Variants in RFTN1 observed in about 807,000 individuals in gnomAD.
RFTN1 encodes raftlin.
RFTN1 carries 26 observed loss-of-function variants against 46.5 expected under a neutral mutation model. That is an observed-to-expected ratio of 0.56 (90% CI 0.41 to 0.78). The LOEUF is 0.78. Ranked by LOEUF, RFTN1 falls within the 30% of genes least tolerant of loss-of-function variation. The pLI, the probability that RFTN1 is intolerant of heterozygous loss-of-function variation, is 0.00. For missense variants in RFTN1, 693 were observed against 718.7 expected, an observed-to-expected ratio of 0.96 and a Z score of 0.41; for synonymous variants, 261 against 284.2, an observed-to-expected ratio of 0.92 and a Z score of 0.82.
chr3:16,404,821 C>T (rs2074812948), intron 4 of RFTN1, among the ~76,000 whole-genome samples: 1 of 152,094 alleles, frequency 6.6e-6, no homozygotes, highest in Admixed American at 6.6e-5. Flanking sequence ...TGGCTGCCCA[C>T]TCGTGCCTCT....
intron 2 of RFTN1, among the ~76,000 whole-genome samples, chr3:16,490,948 G>A (rs1380640848): frequency 6.6e-6 from 1 of 152,154 alleles, no homozygotes; most frequent in Non-Finnish European, 1.5e-5. Flanking sequence ...CTATTTAAGT[G>A]CCAGGCACTG....
rs1246052400 is a variant in RFTN1 at position 16,506,736 on chromosome 3, C to G, written c.-9+6706G>C. Among the ~76,000 whole-genome samples, 1 of 151,980 alleles carries G rather than the reference C, an allele frequency of 6.6e-6. No individual in the cohort carries two copies. Among genetic ancestry groups the G allele is most frequent in the Non-Finnish European group, 1.5e-5 (1 of 68,012 alleles). ...ATTTCGAGTTCAGAGGAGAGCTCCA[C>G]AGCTCTTGGTAATGCCTCATCTCCC... On this transcript the variant is annotated intron_variant, in intron 1 of 9. Transcript: ENST00000334133. The surrounding 1 kb of genome is among the most constrained non-coding windows in gnomAD (Gnocchi z 4.8).
At chr3:16,467,318 A>G (rs899633731) in intron 2 of RFTN1, among the ~76,000 whole-genome samples, 12 of 152,244 alleles carry the variant, frequency 7.9e-5, no homozygotes, top group Non-Finnish European at 1.5e-4. Context: ...CCCAAGGTCA[A>G]TAACACCTCA....
rs2070868336 is a variant in RFTN1 at position 16,336,537 on chromosome 3, T to C, written c.1147-9661A>G. On this transcript the variant is annotated intron_variant, in intron 7 of 9. Coordinates refer to ENST00000334133, the MANE Select transcript of RFTN1 (RefSeq NM_015150.2). The surrounding 1 kb of genome is among the most constrained non-coding windows in gnomAD (Gnocchi z 6.0). ...CCGGCTAGAGATGTTGTTTTCTCCT[T>C]TGTTTTATGCACAATGCCCCAGAAA... is the stretch of plus-strand genomic sequence containing the variant. 6.6e-6 allele frequency among the ~76,000 whole-genome samples: 1 copy of C among 152,248 alleles called. No individual in the cohort carries two copies. Among genetic ancestry groups the C allele is most frequent in the Non-Finnish European group, 1.5e-5 (1 of 68,046 alleles).
chr3:16,420,467 T>G (rs1281924502), intron 3 of RFTN1, among the ~76,000 whole-genome samples: 1 of 152,246 alleles, frequency 6.6e-6, no homozygotes, highest in Non-Finnish European at 1.5e-5. Flanking sequence ...ATAGGAATGG[T>G]GTTCATGAGA....
chr3:16,470,357 G>A (rs948153744), intron 2 of RFTN1, among the ~76,000 whole-genome samples: 1 of 152,216 alleles, frequency 6.6e-6, no homozygotes, highest in Non-Finnish European at 1.5e-5. Context: ...TGCAAGAAAA[G>A]TACTGCACTG....
At chr3:16,397,281 T>C (rs1236005864) in intron 4 of RFTN1, among the ~76,000 whole-genome samples, 1 of 144,698 alleles carries the variant, frequency 6.9e-6, no homozygotes, top group Non-Finnish European at 1.5e-5. Flanking sequence ...CTCACTTATA[T>C]GTGGAATCAA....
chr3:16,378,005 G>T lies in RFTN1; in HGVS notation c.539C>A (p.Thr180Asn). Residue 180 changes from threonine (T) to asparagine (N), a missense_variant, in exon 5 of 10, where the codon ACT (threonine) becomes AAT (asparagine). By Grantham distance (65) the Thr-to-Asn change is moderately conservative. Transcript: ENST00000334133. Reference protein sequence around the residue: ...NSAGSSAPVSTANSTEDARDA... With the variant: ...NSAGSSAPVSNANSTEDARDA... ...TCTGGCATCCTCGGTGCTGTTGGCAGTAGACACCGGAGCACTGCTGCCTGC... is the reference window on the plus strand; with the variant it reads ...TCTGGCATCCTCGGTGCTGTTGGCATTAGACACCGGAGCACTGCTGCCTGC... 6.2e-7 allele frequency: 1 copy of T among 1,614,250 alleles called. No homozygotes were observed. Among genetic ancestry groups the T allele is most frequent in the Non-Finnish European group, 8.5e-7 (1 of 1,180,042 alleles).
At chr3:16,508,848 A>G (rs2076853293) in intron 1 of RFTN1, among the ~76,000 whole-genome samples, 2 of 152,072 alleles carry the variant, frequency 1.3e-5, no homozygotes, top group Admixed American at 6.5e-5. Flanking sequence ...AAAAAACACC[A>G]CAGAGCAGCA....
rs2125374778 is a variant in RFTN1 at position 16,376,851 on chromosome 3, G to A, written c.826+867C>T. On this transcript the variant is annotated intron_variant, in intron 5 of 9. Transcript: ENST00000334133. This position sits in a 1 kb window ranked among gnomAD's most constrained non-coding sequence, Gnocchi z 4.7. ...GTTTTCCCTTCTGGAAGCACCACCT[G>A]TTCATTATCACTTGTAAGAGGCTAA... Among the ~76,000 whole-genome samples the A allele has an allele frequency of 6.6e-6, 1 of 152,236 alleles. No homozygotes were observed. The highest frequency in any genetic ancestry group is 2.1e-4 in the South Asian group (1 of 4,818).
chr3:16,471,286 G>C (rs1404990204), intron 2 of RFTN1, among the ~76,000 whole-genome samples: 1 of 152,176 alleles, frequency 6.6e-6, no homozygotes, highest in African/African-American at 2.4e-5. Context: ...TTTATGCAGT[G>C]GGAGGAGACA....
rs923741513 is a variant in RFTN1, at chr3:16,447,727, A to C, written c.146-13690T>G. Among the ~76,000 whole-genome samples the C allele has an allele frequency of 3.9e-5, 6 of 152,236 alleles. No homozygotes were observed. The highest frequency in any genetic ancestry group is 1.4e-4 in the African/African-American group (6 of 41,464). ...CTAATACAACGAAGCAATCAGGTGA[A>C]AATCATTTCTAATTACACCCAGAAG... is the stretch of plus-strand genomic sequence containing the variant. On this transcript the variant is annotated intron_variant, in intron 2 of 9. Transcript: ENST00000334133. The surrounding 1 kb of genome is among the most constrained non-coding windows in gnomAD (Gnocchi z 5.9).
intron 2 of RFTN1, among the ~76,000 whole-genome samples, chr3:16,441,642 A>G (rs1221945205): frequency 6.6e-6 from 1 of 152,222 alleles, no homozygotes; most frequent in African/African-American, 2.4e-5. Context: ...AACAGCTTCT[A>G]TTATTTTGCC....
chr3:16,446,845 G>C lies in RFTN1; in HGVS notation c.146-12808C>G, dbSNP rs985153751. ...CCTGAGTTATTATCATCAAGGTCTC[G>C]ACTCTGTAACAAAATTTCACACTGG... is the stretch of plus-strand genomic sequence containing the variant. On this transcript the variant is annotated intron_variant, in intron 2 of 9. Coordinates refer to ENST00000334133, the MANE Select transcript of RFTN1 (RefSeq NM_015150.2). This position sits in a 1 kb window ranked among gnomAD's most constrained non-coding sequence, Gnocchi z 4.5. 6.6e-6 allele frequency among the ~76,000 whole-genome samples: 1 copy of C among 152,108 alleles called. No individual in the cohort carries two copies. The highest frequency in any genetic ancestry group is 1.5e-5 in the Non-Finnish European group (1 of 68,022).
chr3:16,330,267 C>T (rs1040656915), intron 7 of RFTN1, among the ~76,000 whole-genome samples: 3 of 152,154 alleles, frequency 2.0e-5, no homozygotes, highest in African/African-American at 4.8e-5. Flanking sequence ...TCTCCCACTC[C>T]GACTATTTGG....
chr3:16,508,622 G>C (rs901965188), intron 1 of RFTN1, among the ~76,000 whole-genome samples: 6 of 152,060 alleles, frequency 3.9e-5, no homozygotes, highest in Non-Finnish European at 5.9e-5. Context: ...AAGCCCCTTT[G>C]GGGCCCAGGA....
rs545150575 is a variant in RFTN1 at position 16,402,853 on chromosome 3, T to C, written c.441+6522A>G. Among the ~76,000 whole-genome samples the C allele has an allele frequency of 7.6e-4, 116 of 152,280 alleles. 1 individual carries two copies. The highest frequency in any genetic ancestry group is 2.6e-3 in the African/African-American group (110 of 41,558). On this transcript the variant is annotated intron_variant, in intron 4 of 9. Coordinates refer to ENST00000334133, the MANE Select transcript of RFTN1 (RefSeq NM_015150.2). The surrounding 1 kb of genome is among the most constrained non-coding windows in gnomAD (Gnocchi z 4.5). ...ACCAGCCGCCCCTCAACGGTCTTCA[T>C]TGCAAAGGCTCAGTGGGCCAGTGCA...
rs1559336972 is a variant in RFTN1, at chr3:16,418,115, A to G, written c.333-8632T>C. ...GTTGTAACAAGTACTGCTAACACTTATGAGTGCTTTCAATATTGGTAATTA... is the reference window on the plus strand; with the variant it reads ...GTTGTAACAAGTACTGCTAACACTTGTGAGTGCTTTCAATATTGGTAATTA... On this transcript the variant is annotated intron_variant, in intron 3 of 9. Coordinates refer to ENST00000334133, the MANE Select transcript of RFTN1 (RefSeq NM_015150.2). The surrounding 1 kb of genome is among the most constrained non-coding windows in gnomAD (Gnocchi z 5.0). 1.3e-5 allele frequency among the ~76,000 whole-genome samples: 2 copies of G among 152,226 alleles called. No homozygotes were observed. Among genetic ancestry groups the G allele is most frequent in the Non-Finnish European group, 2.9e-5 (2 of 68,040 alleles).
intron 2 of RFTN1, among the ~76,000 whole-genome samples, chr3:16,490,353 C>T (rs1168675870): frequency 6.6e-6 from 1 of 152,170 alleles, no homozygotes; most frequent in African/African-American, 2.4e-5. Context: ...AGGTAGGGGC[C>T]TGTGCAGAAA....
Sources: gnomAD v4.1 joint callset for allele counts (sites outside exome capture counted in the v4.1 genomes callset) on GRCh38, gnomAD v4.1.1 for gene constraint, Gnocchi (gnomAD v3.1) non-coding constraint, MANE v1.5 for transcripts, NCBI Gene and HGNC (gene_info 2026-07-23, HGNC 2026-07-21) for gene names.